The following STX8 variants were observed in gnomAD, a reference collection of about 807,000 sequenced individuals.
STX8 encodes syntaxin 8.
In STX8, 23 loss-of-function variants were observed where a neutral mutation model predicts 37.5. The ratio of observed to expected loss-of-function variants is 0.61; its 90% CI spans 0.44 to 0.87. STX8 has a LOEUF of 0.87. Ranked by LOEUF, STX8 falls within the 40% of genes least tolerant of loss-of-function variation. STX8 has a pLI of 0.00. For missense variants in STX8, 313 were observed against 284.7 expected (o/e 1.10, Z -0.71); for synonymous variants, 115 against 99.1 (o/e 1.16, Z -0.95).
chr17:9,571,199 C>T (rs2151919841), intron 1 of STX8, among the ~76,000 whole-genome samples: 1 of 152,236 alleles, frequency 6.6e-6, no homozygotes, highest in South Asian at 2.1e-4. Flanking sequence ...GTCCTGACTC[C>T]AGTCCTTGTG....
chr17:9,280,421 C>A (rs138159405), intron 7 of STX8, among the ~76,000 whole-genome samples: 158 of 152,144 alleles, frequency 1.0e-3, no homozygotes, highest in Non-Finnish European at 2.0e-3. Context: ...GGTGTGGTGG[C>A]GGGCGCCTGT....
intron 6 of STX8, among the ~76,000 whole-genome samples, chr17:9,392,749 GA>G (rs1002336809): frequency 6.6e-6 from 1 of 152,154 alleles, no homozygotes; most frequent in African/African-American, 2.4e-5. Context: ...AACCAAATTT[GA>G]AAACTCACTG....
intron 7 of STX8, among the ~76,000 whole-genome samples, chr17:9,289,742 T>C (rs1908247710): frequency 6.6e-6 from 1 of 151,624 alleles, no homozygotes; most frequent in Admixed American, 6.6e-5. Flanking sequence ...ATCGCGCCAC[T>C]GCAGTCCAGC....
intron 6 of STX8, among the ~76,000 whole-genome samples, chr17:9,379,036 G>C (rs1324983661): frequency 6.6e-6 from 1 of 152,072 alleles, no homozygotes; most frequent in Non-Finnish European, 1.5e-5. Flanking sequence ...CCTGAGGTCA[G>C]GAGTTCGAGA....
At chr17:9,283,669 TTTTCA>T (rs1396410792) in intron 7 of STX8, among the ~76,000 whole-genome samples, 13 of 152,234 alleles carry the variant, frequency 8.5e-5, no homozygotes, top group Non-Finnish European at 1.8e-4. Flanking sequence ...AACGACATTC[TTTTCA>T]TTTAATAAGG....
At chr17:9,287,737 CAT>C (rs1421658729) in intron 7 of STX8, among the ~76,000 whole-genome samples, 1 of 152,056 alleles carries the variant, frequency 6.6e-6, no homozygotes, top group East Asian at 1.9e-4. Flanking sequence ...ATAGAACTTT[CAT>C]ATGTCTTTTT....
intron 4 of STX8, among the ~76,000 whole-genome samples, chr17:9,513,793 TAAAG>T (rs1275496252): frequency 5.3e-5 from 8 of 152,086 alleles, no homozygotes; most frequent in Admixed American, 3.3e-4. Flanking sequence ...GATGAATGGA[TAAAG>T]AAAGTGTGGT....
intron 7 of STX8, among the ~76,000 whole-genome samples, chr17:9,361,102 T>A (rs915450557): frequency 6.6e-6 from 1 of 152,116 alleles, no homozygotes; most frequent in Non-Finnish European, 1.5e-5. Flanking sequence ...AAATTGTCAT[T>A]GCCTGGCTCT....
chr17:9,285,940 A>C (rs1908057129), intron 7 of STX8, among the ~76,000 whole-genome samples: 1 of 152,214 alleles, frequency 6.6e-6, no homozygotes, highest in Non-Finnish European at 1.5e-5. Flanking sequence ...ATTGTAACGA[A>C]CTTCTTCTGG....
intron 7 of STX8, among the ~76,000 whole-genome samples, chr17:9,324,956 AT>A (rs558831421): frequency 2.7e-3 from 417 of 152,152 alleles, no homozygotes; most frequent in African/African-American, 8.6e-3. Context: ...GAATTTTGTT[AT>A]TTTCCTGGGC....
chr17:9,505,129 T>G lies in STX8; in HGVS notation c.357A>C (p.Gly119=). The change falls in exon 5 of 8, where the codon GGA becomes GGC. Residue 119 remains glycine, a synonymous_variant. Transcript: ENST00000306357. ...SSLMSEEAKR[G]APNPWLFEEP... is the part of the protein sequence containing the mutation. The stretch of plus-strand genomic sequence containing the variant: ...CCTCAAAGAGCCAAGGGTTGGGTGC[T>G]CCTCGCTTAGCCTCTTCACTCATCA... 6.2e-7 allele frequency: 1 copy of G among 1,614,074 alleles called. No homozygotes were observed. The highest frequency in any genetic ancestry group is 8.5e-7 in the Non-Finnish European group (1 of 1,180,018).
intron 6 of STX8, among the ~76,000 whole-genome samples, chr17:9,407,519 C>T (rs112625252): frequency 3.8e-5 from 4 of 106,348 alleles, no homozygotes; most frequent in Non-Finnish European, 6.7e-5. Flanking sequence ...TGACCATGGC[C>T]GTGTCACAGC....
At chr17:9,513,183 A>G (rs1439856108) in intron 4 of STX8, among the ~76,000 whole-genome samples, 1 of 152,084 alleles carries the variant, frequency 6.6e-6, no homozygotes, top group African/African-American at 2.4e-5. Context: ...AATGGCAAAA[A>G]TCATAATAAT....
At position 9,495,397 on chromosome 17, in the gene STX8, T is replaced by C. The variant is rs564912487; in HGVS notation, c.449-3476A>G. Among the ~76,000 whole-genome samples the C allele has an allele frequency of 3.9e-5, 6 of 152,238 alleles. No individual in the cohort carries two copies. In the East Asian group the frequency reaches 1.2e-3, roughly 29 times the overall value. On this transcript the variant is annotated intron_variant, in intron 5 of 7. Coordinates refer to ENST00000306357, the MANE Select transcript of STX8 (RefSeq NM_004853.3). Reference sequence around the variant, plus strand: ...GCATCTGATGAATAATCTATATATATAGGACTGAGGGTTGAGTGTCAACGT... The same window carrying C: ...GCATCTGATGAATAATCTATATATACAGGACTGAGGGTTGAGTGTCAACGT...
chr17:9,412,853 G>T (rs1208047184), intron 6 of STX8, among the ~76,000 whole-genome samples: 1 of 152,112 alleles, frequency 6.6e-6, no homozygotes, highest in African/African-American at 2.4e-5. Flanking sequence ...AATAGGTTGA[G>T]AACTGCTGAA....
intron 6 of STX8, among the ~76,000 whole-genome samples, chr17:9,452,814 T>C (rs1279317974): frequency 1.2e-5 from 1 of 85,998 alleles, no homozygotes; most frequent in African/African-American, 6.1e-5. Context: ...TTTTTTTTTC[T>C]TTTTAGACAG....
At chr17:9,251,975 C>T (rs2066177507) in intron 7 of STX8, among the ~76,000 whole-genome samples, 2 of 150,944 alleles carry the variant, frequency 1.3e-5, no homozygotes, top group African/African-American at 4.9e-5. Context: ...ACCAGCCTGA[C>T]CAACATGGTG....
intron 1 of STX8, among the ~76,000 whole-genome samples, chr17:9,572,852 A>C (rs1907736548): frequency 6.6e-6 from 1 of 152,190 alleles, no homozygotes; most frequent in Non-Finnish European, 1.5e-5. Context: ...AAACTAATGA[A>C]GTATAACAGA....
At chr17:9,423,389 G>C (rs1019359192) in intron 6 of STX8, among the ~76,000 whole-genome samples, 5 of 152,136 alleles carry the variant, frequency 3.3e-5, no homozygotes, top group East Asian at 1.9e-4. Context: ...GCAGTGGCAC[G>C]ATCTCAGCTC....
Sources: allele counts gnomAD v4.1 joint callset (sites outside exome capture counted in the v4.1 genomes callset), GRCh38; gene constraint gnomAD v4.1.1; transcripts MANE v1.5; gene names NCBI Gene and HGNC (gene_info 2026-07-23, HGNC 2026-07-21).